ELMO1: variants seen among roughly 807,000 people sequenced by gnomAD.
ELMO1 encodes engulfment and cell motility 1, also known as engulfment and cell motility protein 1.
ELMO1 carries 26 observed loss-of-function variants against 98.9 expected under a neutral mutation model. The ratio of observed to expected loss-of-function variants is 0.26; its 90% CI spans 0.19 to 0.36. ELMO1 has a LOEUF of 0.36. Ranked by LOEUF, ELMO1 falls within the 10% of genes least tolerant of loss-of-function variation. The pLI, the probability that ELMO1 is intolerant of heterozygous loss-of-function variation, is 1.00. For missense variants in ELMO1, 627 were observed against 935.2 expected (o/e 0.67, Z 4.30); for synonymous variants, 346 against 346.0 (o/e 1.00, Z 0.00).
chr7:36,891,263 C>T (rs897903389), intron 17 of ELMO1, among the ~76,000 whole-genome samples: 1 of 152,208 alleles, frequency 6.6e-6, no homozygotes, highest in African/African-American at 2.4e-5. Context: ...TGCTGAATTG[C>T]CAACACATAG....
chr7:37,232,955 C>A, intron 8 of ELMO1, 140 bp downstream of exon 8: 1 of 764,458 alleles, frequency 1.3e-6, no homozygotes, highest in Non-Finnish European at 2.0e-6. Flanking sequence ...CCCCCACATA[C>A]ATAATATTAT....
At chr7:36,898,093 A>T (rs1390494468) in intron 16 of ELMO1, among the ~76,000 whole-genome samples, 1 of 152,220 alleles carries the variant, frequency 6.6e-6, no homozygotes, top group Non-Finnish European at 1.5e-5. Flanking sequence ...TTTTTTAAGA[A>T]GACAAAAGAG....
chr7:36,935,682 AG>A (rs1786466565), intron 16 of ELMO1, among the ~76,000 whole-genome samples: 1 of 152,172 alleles, frequency 6.6e-6, no homozygotes, highest in African/African-American at 2.4e-5. Flanking sequence ...ACACATTTTG[AG>A]GCTCTTAATG....
At chr7:37,119,837 A>C (rs1001539571) in intron 14 of ELMO1, among the ~76,000 whole-genome samples, 1 of 152,214 alleles carries the variant, frequency 6.6e-6, no homozygotes. Context: ...ATTATCTTCT[A>C]TAACAGTCAG....
intron 13 of ELMO1, among the ~76,000 whole-genome samples, chr7:37,192,930 T>C (rs1248345394): frequency 2.1e-5 from 3 of 144,680 alleles, no homozygotes; most frequent in African/African-American, 5.0e-5. Flanking sequence ...TTATATATAA[T>C]TTATATATAG....
rs546773238 is a variant in ELMO1 at position 37,102,478 on chromosome 7, T to C, written c.1192-5751A>G. Reference sequence around the variant, plus strand: ...AATGGAACAGATCAGAACCACAGGCTGCTAGTTCACCAGATCTACCTAGAA... The same window carrying C: ...AATGGAACAGATCAGAACCACAGGCCGCTAGTTCACCAGATCTACCTAGAA... On this transcript the variant is annotated intron_variant, in intron 14 of 21. Transcript: ENST00000310758. 1.1e-4 allele frequency among the ~76,000 whole-genome samples: 17 copies of C among 152,214 alleles called. No individual in the cohort carries two copies. The East Asian group carries it at 2.9e-3, about 26-fold the overall frequency.
chr7:37,043,169 A>C (rs1795617756), intron 15 of ELMO1, among the ~76,000 whole-genome samples: 1 of 152,128 alleles, frequency 6.6e-6, no homozygotes, highest in African/African-American at 2.4e-5. Context: ...TCTCCCTTCC[A>C]ATTACCACTA....
At chr7:36,958,157 T>G (rs1192359432) in intron 16 of ELMO1, among the ~76,000 whole-genome samples, 1 of 152,196 alleles carries the variant, frequency 6.6e-6, no homozygotes, top group African/African-American at 2.4e-5. Context: ...TTCTATTCCA[T>G]TATAATTATA....
intron 8 of ELMO1, among the ~76,000 whole-genome samples, chr7:37,232,782 C>G (rs994403466): frequency 2.0e-5 from 3 of 152,202 alleles, no homozygotes; most frequent in African/African-American, 4.8e-5. Flanking sequence ...ACAGTAGGAA[C>G]TCTGTTTAGG....
intron 16 of ELMO1, among the ~76,000 whole-genome samples, chr7:36,999,703 T>A (rs543878051): frequency 6.6e-6 from 1 of 152,318 alleles, no homozygotes; most frequent in East Asian, 1.9e-4. Context: ...TTGAGCCATT[T>A]GAAATTGCTG....
chr7:37,217,676 C>T (rs1224729751), intron 10 of ELMO1: 7 of 456,728 alleles, frequency 1.5e-5, no homozygotes, highest in Non-Finnish European at 3.1e-5. Flanking sequence ...GAGCAGGGCC[C>T]ACTTTACGCT....
At chr7:37,085,883 T>C (rs1783740466) in intron 15 of ELMO1, among the ~76,000 whole-genome samples, 1 of 152,250 alleles carries the variant, frequency 6.6e-6, no homozygotes, top group African/African-American at 2.4e-5. Context: ...GATGCTTGTA[T>C]CCTGAATTTA....
At chr7:37,099,668 G>T (rs1436944980) in intron 14 of ELMO1, among the ~76,000 whole-genome samples, 1 of 152,040 alleles carries the variant, frequency 6.6e-6, no homozygotes, top group Non-Finnish European at 1.5e-5. Flanking sequence ...TTTATAAAAT[G>T]CTTCATCGTT....
intron 16 of ELMO1, among the ~76,000 whole-genome samples, chr7:36,921,325 TC>T (rs1785139463): frequency 6.6e-6 from 1 of 152,230 alleles, no homozygotes; most frequent in Non-Finnish European, 1.5e-5. Flanking sequence ...GGAACCTGGC[TC>T]TGCCACTTAC....
chr7:37,166,316 G>T (rs142133306), intron 13 of ELMO1, among the ~76,000 whole-genome samples: 10 of 152,210 alleles, frequency 6.6e-5, no homozygotes, highest in African/African-American at 2.2e-4. Context: ...TTTTTGAAGC[G>T]TTTTTTGTGT....
At chr7:36,928,836 T>C (rs942612076) in intron 16 of ELMO1, among the ~76,000 whole-genome samples, 1 of 152,156 alleles carries the variant, frequency 6.6e-6, no homozygotes, top group Non-Finnish European at 1.5e-5. Context: ...GGAGCTTTTC[T>C]GAAAGGTGAG....
At chr7:37,033,450 G>A (rs910527796) in intron 15 of ELMO1, 13 of 453,246 alleles carry the variant, frequency 2.9e-5, no homozygotes, top group Non-Finnish European at 5.8e-5. Context: ...AATGTTGAGC[G>A]AAAATGAAGC....
intron 17 of ELMO1, 148 bp downstream of exon 17, chr7:36,894,706 C>A: frequency 1.0e-6 from 1 of 975,540 alleles, no homozygotes; most frequent in East Asian, 2.6e-5. Flanking sequence ...TGCTGAGACT[C>A]CCCTAACTAA....
intron 16 of ELMO1, among the ~76,000 whole-genome samples, chr7:36,902,599 T>C (rs1019505315): frequency 3.3e-5 from 5 of 152,252 alleles, no homozygotes; most frequent in African/African-American, 1.2e-4. Context: ...TTGGTTTTCT[T>C]CTTCCTGAGT....
Sources: allele counts gnomAD v4.1 joint callset (sites outside exome capture counted in the v4.1 genomes callset), GRCh38; gene constraint gnomAD v4.1.1; transcripts MANE v1.5; gene names NCBI Gene and HGNC (gene_info 2026-07-23, HGNC 2026-07-21).